The following CDK17 variants were observed in gnomAD, a reference collection of about 807,000 sequenced individuals.
CDK17 encodes the protein cyclin-dependent kinase 17.
A neutral mutation model predicts 77.6 loss-of-function variants in CDK17; 24 were observed. The observed-to-expected ratio is 0.31, with a 90% CI of 0.22 to 0.44. The LOEUF (loss-of-function observed/expected upper bound fraction) is 0.44. CDK17 is among the 20% of genes least tolerant of loss of function. The pLI, the probability that CDK17 is intolerant of heterozygous loss-of-function variation, is 1.00. For missense variants in CDK17, 429 were observed against 622.5 expected (o/e 0.69, Z 3.31); for synonymous variants, 203 against 210.4 (o/e 0.96, Z 0.30).
At chr12:96,342,294 C>T (rs1377787707) in intron 1 of CDK17, among the ~76,000 whole-genome samples, 1 of 152,212 alleles carries the variant, frequency 6.6e-6, no homozygotes, top group Non-Finnish European at 1.5e-5. Context: ...ATACCCAACA[C>T]ACTCTAGGAC....
chr12:96,305,341 T>C (rs1008696949), intron 5 of CDK17, among the ~76,000 whole-genome samples: 2 of 152,082 alleles, frequency 1.3e-5, no homozygotes, highest in Admixed American at 6.6e-5. Context: ...AAGTATGGAG[T>C]TTTGTTACTA....
chr12:96,378,544 T>C (rs909351931), intron 1 of CDK17, among the ~76,000 whole-genome samples: 1 of 152,228 alleles, frequency 6.6e-6, no homozygotes, highest in African/African-American at 2.4e-5. Context: ...AACCAAGATC[T>C]GGGCACCAGG....
At chr12:96,374,117 C>G (rs1489094800) in intron 1 of CDK17, among the ~76,000 whole-genome samples, 4 of 152,166 alleles carry the variant, frequency 2.6e-5, no homozygotes, top group African/African-American at 9.7e-5. Flanking sequence ...AGCTACATAT[C>G]ACTAACCCTC....
intron 1 of CDK17, among the ~76,000 whole-genome samples, chr12:96,385,998 G>A (rs894569727): frequency 1.3e-5 from 2 of 152,150 alleles, no homozygotes; most frequent in African/African-American, 4.8e-5. Context: ...AAAATAAGAT[G>A]GAACGACAGG....
At position 96,355,234 on chromosome 12, in the gene CDK17, G is replaced by C. The variant is rs75978578; in HGVS notation, c.-29-20369C>G. The stretch of plus-strand genomic sequence containing the variant: ...CTCTGCTTGGAATGCATTTTCTCCA[G>C]ATGTTAATGGCTCATTTCCTTATTT... On this transcript the variant is annotated intron_variant, in intron 1 of 16. Transcript: ENST00000261211. Among the ~76,000 whole-genome samples the C allele has an allele frequency of 3.4e-3, 521 of 151,580 alleles. 2 individuals are homozygous for C. The highest frequency in any genetic ancestry group is 0.011 in the African/African-American group (446 of 41,302).
chr12:96,384,524 G>T (rs1162622346), intron 1 of CDK17, among the ~76,000 whole-genome samples: 1 of 152,130 alleles, frequency 6.6e-6, no homozygotes, highest in Non-Finnish European at 1.5e-5. Context: ...CACTGATGGT[G>T]AACTGGATAA....
chr12:96,387,950 A>T (rs989459705), intron 1 of CDK17, among the ~76,000 whole-genome samples: 1 of 152,088 alleles, frequency 6.6e-6, no homozygotes, highest in African/African-American at 2.4e-5. Context: ...CTCTAAAAAA[A>T]AATAATAATA....
chr12:96,319,595 T>C (rs1465067867), intron 3 of CDK17, among the ~76,000 whole-genome samples: 3 of 142,322 alleles, frequency 2.1e-5, no homozygotes, highest in Admixed American at 1.4e-4. Flanking sequence ...AAAAAGCTTA[T>C]CCACCATGAT....
At chr12:96,345,540 C>T (rs1953193588) in intron 1 of CDK17, among the ~76,000 whole-genome samples, 1 of 152,050 alleles carries the variant, frequency 6.6e-6, no homozygotes, top group Non-Finnish European at 1.5e-5. Context: ...GAGATGTTAT[C>T]TCATTGTGAT....
At chr12:96,297,587 T>C in intron 8 of CDK17, 40 bp downstream of exon 8, 2 of 1,279,464 alleles carry the variant, frequency 1.6e-6, no homozygotes, top group Non-Finnish European at 2.2e-6. Context: ...TATGTTTTTC[T>C]AAAGTAAAGT....
rs533387346 is a variant in CDK17 at position 96,334,611 on chromosome 12, G to C, written c.118+108C>G. 3.9e-5 allele frequency: 25 copies of C among 643,968 alleles called. No homozygotes were observed. The East Asian group carries it at 6.3e-4, about 16-fold the overall frequency. The allele number at this position is 643,968 out of a possible 1,614,324, so 39.9% of individuals were successfully genotyped here. A position where few individuals can be genotyped will look rare whatever the true frequency, so the allele number is the denominator to read the frequency against. Reference sequence around the variant, plus strand: ...TCCTAAGAAACCATGGAATGAGACAGAAATAAACAAAGGGAAGCTATTATG... The same window carrying C: ...TCCTAAGAAACCATGGAATGAGACACAAATAAACAAAGGGAAGCTATTATG... On this transcript the variant is annotated intron_variant, in intron 2 of 16. Transcript: ENST00000261211.
In CDK17 at chr12:96,360,986, G is replaced by A. The variant is rs542282759; in HGVS notation, c.-29-26121C>T. Among the ~76,000 whole-genome samples, 4 of 152,296 alleles carry A rather than the reference G, an allele frequency of 2.6e-5. No individual in the cohort carries two copies. The South Asian group carries it at 8.3e-4, about 32-fold the overall frequency. Reference sequence around the variant, plus strand: ...GACATGTATCACAGACATAGTAAATGCAAAAAGCAACTGTCAATACCAGAG... The same window carrying A: ...GACATGTATCACAGACATAGTAAATACAAAAAGCAACTGTCAATACCAGAG... On this transcript the variant is annotated intron_variant, in intron 1 of 16. Coordinates refer to ENST00000261211, the MANE Select transcript of CDK17 (RefSeq NM_002595.5).
chr12:96,308,125 C>T (rs1054948911), intron 5 of CDK17, among the ~76,000 whole-genome samples: 4 of 150,198 alleles, frequency 2.7e-5, no homozygotes, highest in African/African-American at 7.4e-5. Flanking sequence ...ATGCTATGGG[C>T]GGCTCACACC....
chr12:96,283,488 T>C (rs1383490134), intron 14 of CDK17, 115 bp downstream of exon 14: 8 of 698,858 alleles, frequency 1.1e-5, no homozygotes, highest in East Asian at 1.1e-4. Flanking sequence ...GCCTTAAGCA[T>C]AGATAATTTT....
chr12:96,357,957 C>T (rs369419367), intron 1 of CDK17, among the ~76,000 whole-genome samples: 5 of 151,932 alleles, frequency 3.3e-5, no homozygotes, highest in African/African-American at 4.8e-5. Context: ...TAACAAATTA[C>T]GGTAATTCAT....
intron 1 of CDK17, among the ~76,000 whole-genome samples, chr12:96,370,436 T>C (rs1488096713): frequency 6.6e-6 from 1 of 152,232 alleles, no homozygotes; most frequent in African/African-American, 2.4e-5. Context: ...CAATGGAATT[T>C]AATGAGTTAC....
rs151307033 is a variant in CDK17 at position 96,387,887 on chromosome 12, G to A, written c.-30+12099C>T. Among the ~76,000 whole-genome samples the A allele has an allele frequency of 4.6e-5, 7 of 152,180 alleles. No homozygotes were observed. In the East Asian group the frequency reaches 7.7e-4, roughly 17 times the overall value. ...GAGCCCAGTAGGTTGAGGATGCAAC[G>A]AGCTGGGACTGCACTGATGTGCTCC... On this transcript the variant is annotated intron_variant, in intron 1 of 16. Transcript: ENST00000261211.
At chr12:96,384,113 AAAG>A (rs1953931474) in intron 1 of CDK17, among the ~76,000 whole-genome samples, 2 of 152,222 alleles carry the variant, frequency 1.3e-5, no homozygotes, top group Admixed American at 6.5e-5. Flanking sequence ...ACATTTCTCA[AAAG>A]AAGACATATA....
At chr12:96,356,428 T>C (rs1334391430) in intron 1 of CDK17, among the ~76,000 whole-genome samples, 1 of 152,206 alleles carries the variant, frequency 6.6e-6, no homozygotes, top group Non-Finnish European at 1.5e-5. Context: ...CCCAAGTCGC[T>C]GGGACTTACA....
Sources: gnomAD v4.1 joint callset for allele counts (sites outside exome capture counted in the v4.1 genomes callset) on GRCh38, gnomAD v4.1.1 for gene constraint, MANE v1.5 for transcripts, NCBI Gene and HGNC (gene_info 2026-07-23, HGNC 2026-07-21) for gene names.